CD302: variants seen among roughly 807,000 people sequenced by gnomAD.
CD302 encodes the protein CD302 molecule.
CD302 carries 23 observed loss-of-function variants against 26.5 expected under a neutral mutation model. The ratio of observed to expected loss-of-function variants is 0.87; its 90% CI spans 0.62 to 1.23. CD302 has a LOEUF of 1.23. Among genes scored for constraint, CD302 ranks in the 50% most tolerant of loss-of-function variants. CD302 has a pLI of 0.00. For missense variants in CD302, 290 were observed against 275.5 expected (o/e 1.05, Z -0.37); for synonymous variants, 90 against 99.4 (o/e 0.91, Z 0.56).
chr2:159,798,090 C>A, intron 1 of CD302, 42 bp downstream of exon 1: 7 of 1,482,452 alleles, frequency 4.7e-6, no homozygotes, highest in Non-Finnish European at 5.4e-6. Context: ...GGGGCGAAGG[C>A]GGTCGCGCAC....
At position 159,769,622 on chromosome 2, in the gene CD302, G is replaced by T. The variant is rs1250295693; in HGVS notation, c.*2229C>A. On this transcript the variant is annotated 3_prime_UTR_variant, in exon 6 of 6. Coordinates refer to ENST00000259053, the MANE Select transcript of CD302 (RefSeq NM_014880.5). ...GATCGAGCCACTGCACTGTAGCCTG[G>T]GCAGCACAGTGAGACTCCATCATAT... The T allele has an allele frequency of 6.9e-6, 1 of 144,962 alleles. No individual in the cohort carries two copies. Among genetic ancestry groups the T allele is most frequent in the East Asian group, 2.0e-4 (1 of 5,028 alleles). 9.0% of individuals were successfully genotyped at this position (144,962 alleles called of 1,614,324 possible).
chr2:159,771,873 T>G lies in CD302; in HGVS notation c.677A>C (p.Glu226Ala). ...AACTTAGTCAAATTGAACAGGATATTCATTTTCTTCTCCAACTACCAAAAC... is the reference window on the plus strand; with the variant it reads ...AACTTAGTCAAATTGAACAGGATATGCATTTTCTTCTCCAACTACCAAAAC... ...DCVLVVGEEN[E>A]YPVQFD Residue 226 changes from glutamate (E) to alanine (A), a missense_variant, in exon 6 of 6, where the codon GAA becomes GCA. Glu to Ala is a moderately radical substitution (Grantham distance 107, BLOSUM62 -1). Transcript: ENST00000259053. The G allele has an allele frequency of 6.2e-7, 1 of 1,613,958 alleles. No individual in the cohort carries two copies. Among genetic ancestry groups the G allele is most frequent in the Non-Finnish European group, 8.5e-7 (1 of 1,179,892 alleles).
intron 2 of CD302, among the ~76,000 whole-genome samples, chr2:159,783,079 T>TAA (rs1267224560): frequency 1.3e-5 from 2 of 152,192 alleles, no homozygotes; most frequent in Non-Finnish European, 1.5e-5. Flanking sequence ...TAAAGCCAGG[T>TAA]AAAGTATATG....
rs13432 is a variant in CD302, at chr2:159,769,216, C to T, written c.*2635G>A. On this transcript the variant is annotated 3_prime_UTR_variant, in exon 6 of 6. Coordinates refer to ENST00000259053, the MANE Select transcript of CD302 (RefSeq NM_014880.5). Reference sequence around the variant, plus strand: ...CTGCCAAAGAATTATATTGTTATTACTAGCTAGAACCAAGATGTTGAAGAA... The same window carrying T: ...CTGCCAAAGAATTATATTGTTATTATTAGCTAGAACCAAGATGTTGAAGAA... The T allele has an allele frequency of 6.6e-6, 1 of 152,020 alleles. No homozygotes were observed. Among genetic ancestry groups the T allele is most frequent in the Non-Finnish European group, 1.5e-5 (1 of 68,000 alleles). The allele number at this position is 152,020 out of a possible 1,614,324, so 9.4% of individuals were successfully genotyped here. A position where few individuals can be genotyped will look rare whatever the true frequency, so the allele number is the denominator to read the frequency against.
chr2:159,793,578 A>C (rs1708865673), intron 1 of CD302, among the ~76,000 whole-genome samples: 1 of 152,240 alleles, frequency 6.6e-6, no homozygotes, highest in African/African-American at 2.4e-5. Flanking sequence ...TTAAGATATG[A>C]GTTGTAGTCA....
chr2:159,790,741 T>C (rs1173574574), intron 1 of CD302, among the ~76,000 whole-genome samples: 1 of 152,240 alleles, frequency 6.6e-6, no homozygotes, highest in Non-Finnish European at 1.5e-5. Context: ...AACACTTTTA[T>C]AAATCATTGG....
At chr2:159,792,878 T>C (rs1412523143) in intron 1 of CD302, among the ~76,000 whole-genome samples, 2 of 152,188 alleles carry the variant, frequency 1.3e-5, no homozygotes, top group Non-Finnish European at 2.9e-5. Context: ...ATGGAACCCC[T>C]TTTCTCATGC....
At position 159,776,133 on chromosome 2, in the gene CD302, G is replaced by A. The variant is rs1290478273; in HGVS notation, c.496+1805C>T. On this transcript the variant is annotated intron_variant, in intron 5 of 5. Transcript: ENST00000259053. The stretch of plus-strand genomic sequence containing the variant: ...CTCCCAAAGTGCTGGGATTACAGGC[G>A]TGAGCCACTGCGCCCGGCCTGTGCC... 4.0e-5 allele frequency among the ~76,000 whole-genome samples: 6 copies of A among 151,102 alleles called. No individual in the cohort carries two copies. The East Asian group carries it at 1.2e-3, about 29-fold the overall frequency.
At chr2:159,780,629 T>C (rs933145166) in intron 3 of CD302, among the ~76,000 whole-genome samples, 1 of 152,218 alleles carries the variant, frequency 6.6e-6, no homozygotes, top group Non-Finnish European at 1.5e-5. Context: ...TTTATGATCA[T>C]GCTATATTAC....
chr2:159,775,068 T>G (rs921941757), intron 5 of CD302, among the ~76,000 whole-genome samples: 1 of 152,166 alleles, frequency 6.6e-6, no homozygotes, highest in Non-Finnish European at 1.5e-5. Flanking sequence ...GTGCAACACC[T>G]CCCTTCTTGC....
chr2:159,796,939 G>C (rs942320280), intron 1 of CD302, among the ~76,000 whole-genome samples: 1 of 152,188 alleles, frequency 6.6e-6, no homozygotes, highest in Non-Finnish European at 1.5e-5. Context: ...TGTGCAGAAG[G>C]AGGGTTCAGA....
At chr2:159,776,232 T>A (rs1163280239) in intron 5 of CD302, among the ~76,000 whole-genome samples, 1 of 152,000 alleles carries the variant, frequency 6.6e-6, no homozygotes, top group Non-Finnish European at 1.5e-5. Flanking sequence ...TTCTTCTCTT[T>A]TAAGGCTAAA....
At chr2:159,793,130 T>C (rs1021711533) in intron 1 of CD302, among the ~76,000 whole-genome samples, 1 of 152,216 alleles carries the variant, frequency 6.6e-6, no homozygotes, top group Non-Finnish European at 1.5e-5. Flanking sequence ...GCAAAGGGCC[T>C]ATTACTCTTA....
At chr2:159,784,317 T>TA in intron 1 of CD302, among the ~76,000 whole-genome samples, 1 of 149,110 alleles carries the variant, frequency 6.7e-6, no homozygotes, top group Non-Finnish European at 1.5e-5. Flanking sequence ...TCTATATAAA[T>TA]ATGTAGCAAT....
At chr2:159,774,161 C>T (rs1428769839) in intron 5 of CD302, among the ~76,000 whole-genome samples, 1 of 151,976 alleles carries the variant, frequency 6.6e-6, no homozygotes, top group African/African-American at 2.4e-5. Context: ...CAGACGACTG[C>T]TTCCTAGTCA....
chr2:159,786,397 G>A (rs182953249), intron 1 of CD302, among the ~76,000 whole-genome samples: 2 of 147,942 alleles, frequency 1.4e-5, no homozygotes, highest in South Asian at 2.1e-4. Flanking sequence ...GCAGTGGCGC[G>A]ATCTCAGCTC....
At chr2:159,796,717 A>G (rs1258415056) in intron 1 of CD302, among the ~76,000 whole-genome samples, 1 of 152,180 alleles carries the variant, frequency 6.6e-6, no homozygotes, top group South Asian at 2.1e-4. Flanking sequence ...AATGCACAAA[A>G]ATTTCCAAAG....
At chr2:159,792,034 T>G (rs1708820438) in intron 1 of CD302, among the ~76,000 whole-genome samples, 1 of 152,246 alleles carries the variant, frequency 6.6e-6, no homozygotes, top group South Asian at 2.1e-4. Context: ...GGTCAGGAAT[T>G]CTGAAGCAGT....
intron 2 of CD302, 30 bp downstream of exon 2, chr2:159,783,329 A>C (rs377312159): frequency 1.1e-4 from 171 of 1,533,194 alleles, no homozygotes; most frequent in Non-Finnish European, 1.4e-4. Context: ...AATTTGTGAA[A>C]AAACAAACAG....
Sources: allele counts gnomAD v4.1 joint callset (sites outside exome capture counted in the v4.1 genomes callset), GRCh38; gene constraint gnomAD v4.1.1; transcripts MANE v1.5; gene names NCBI Gene and HGNC (gene_info 2026-07-23, HGNC 2026-07-21).